Variants in ARG2 observed in about 807,000 individuals in gnomAD.
ARG2 encodes arginase-2, mitochondrial.
A neutral mutation model predicts 39.4 loss-of-function variants in ARG2; 21 were observed. The observed-to-expected ratio is 0.53, with a 90% CI of 0.38 to 0.77. The LOEUF (loss-of-function observed/expected upper bound fraction) is 0.77, where lower values mean the gene tolerates loss of function less well. Ranked by LOEUF, ARG2 falls within the 30% of genes least tolerant of loss-of-function variation. ARG2 has a pLI of 0.00. For missense variants in ARG2, 378 were observed against 426.2 expected, an observed-to-expected ratio of 0.89 and a Z score of 1.00; for synonymous variants, 150 against 156.7, an observed-to-expected ratio of 0.96 and a Z score of 0.32.
At chr14:67,630,871 C>T (rs1157013350) in intron 2 of ARG2, among the ~76,000 whole-genome samples, 1 of 152,198 alleles carries the variant, frequency 6.6e-6, no homozygotes, top group African/African-American at 2.4e-5. Flanking sequence ...GTGTGAGCCA[C>T]CGTGCCCCGC....
At chr14:67,622,921 T>C (rs1555378951) in intron 2 of ARG2, among the ~76,000 whole-genome samples, 1 of 152,222 alleles carries the variant, frequency 6.6e-6, no homozygotes, top group Non-Finnish European at 1.5e-5. Flanking sequence ...ACTCATGCTT[T>C]GTAGACTTCC....
intron 4 of ARG2, 79 bp from the exon 5 acceptor site, chr14:67,646,565 T>C (rs2140780373): frequency 1.7e-6 from 2 of 1,150,828 alleles, no homozygotes; most frequent in East Asian, 2.3e-5. Context: ...GCAGATTGCA[T>C]ACCCACGGAC....
intron 2 of ARG2, among the ~76,000 whole-genome samples, chr14:67,627,940 A>C (rs557981597): frequency 4.5e-4 from 69 of 152,342 alleles, no homozygotes; most frequent in African/African-American, 1.6e-3. Flanking sequence ...TTTGACTTCT[A>C]AAGTCACTCT....
At chr14:67,624,277 GTGT>G (rs77692722) in intron 2 of ARG2, among the ~76,000 whole-genome samples, 31,089 of 151,992 alleles carry the variant, frequency 0.2, 3,916 homozygotes, top group African/African-American at 0.35. Context: ...TGGGAAATCT[GTGT>G]TGTTTTAAAA....
At chr14:67,637,918 T>C (rs60034383) in intron 2 of ARG2, among the ~76,000 whole-genome samples, 4,318 of 152,274 alleles carry the variant, frequency 0.028, 220 homozygotes, top group African/African-American at 0.099. Flanking sequence ...GCAGGAGTAA[T>C]GTGCCACTTT....
rs763327216 is a variant in ARG2, at chr14:67,637,267, G to C, written c.185-4919G>C. 2.0e-5 allele frequency among the ~76,000 whole-genome samples: 3 copies of C among 151,884 alleles called. No homozygotes were observed. In the East Asian group the frequency reaches 5.8e-4, roughly 29 times the overall value. On this transcript the variant is annotated intron_variant, in intron 2 of 7. Coordinates refer to ENST00000261783, the MANE Select transcript of ARG2 (RefSeq NM_001172.4). The stretch of plus-strand genomic sequence containing the variant: ...TCTACTAAAACTACAAAAATTAGCT[G>C]GGCATGGTGGTGCATGCCTGTAATC...
chr14:67,645,424 C>T (rs1369340244), intron 3 of ARG2, among the ~76,000 whole-genome samples: 1 of 152,118 alleles, frequency 6.6e-6, no homozygotes, highest in Non-Finnish European at 1.5e-5. Context: ...TGTCACACTG[C>T]AGGGTAGCAA....
intron 1 of ARG2, 139 bp from the exon 2 acceptor site, chr14:67,620,755 A>T: frequency 1.3e-6 from 1 of 749,608 alleles, no homozygotes; most frequent in Non-Finnish European, 2.2e-6. Context: ...CCAACAATGG[A>T]GTTGGAAGGA....
chr14:67,620,417 G>A (rs1473960295), intron 1 of ARG2, among the ~76,000 whole-genome samples: 1 of 152,058 alleles, frequency 6.6e-6, no homozygotes, highest in Non-Finnish European at 1.5e-5. Context: ...TCCTTGGAGG[G>A]GCTGGAGGAG....
intron 2 of ARG2, among the ~76,000 whole-genome samples, chr14:67,630,086 G>A (rs111597684): frequency 7.2e-5 from 11 of 152,152 alleles, no homozygotes; most frequent in African/African-American, 2.7e-4. Context: ...TTCCAGTTCG[G>A]GTAGGGACTC....
intron 7 of ARG2, chr14:67,649,297 G>A (rs1187298947): frequency 6.6e-6 from 1 of 152,144 alleles, no homozygotes; most frequent in African/African-American, 2.4e-5. Flanking sequence ...CAAGGCAAGA[G>A]GATTACTTGA....
chr14:67,623,398 G>A (rs1412597414), intron 2 of ARG2, among the ~76,000 whole-genome samples: 2 of 152,164 alleles, frequency 1.3e-5, no homozygotes, highest in Non-Finnish European at 2.9e-5. Context: ...TTGCTCTGAT[G>A]TCACAGGCTG....
chr14:67,635,037 G>A (rs2036956920), intron 2 of ARG2, among the ~76,000 whole-genome samples: 1 of 152,108 alleles, frequency 6.6e-6, no homozygotes, highest in African/African-American at 2.4e-5. Flanking sequence ...CTGAGGCCAG[G>A]GGTTTGAGAC....
chr14:67,630,640 C>T (rs1259613632), intron 2 of ARG2, among the ~76,000 whole-genome samples: 4 of 152,114 alleles, frequency 2.6e-5, no homozygotes. Flanking sequence ...AGTGCAGTGG[C>T]GCGATCTTGG....
intron 3 of ARG2, among the ~76,000 whole-genome samples, chr14:67,645,015 AT>A (rs575153422): frequency 0.083 from 12,518 of 150,814 alleles, 697 homozygotes; most frequent in East Asian, 0.22. Context: ...AAAAAAAAAA[AT>A]TGAATGCCAT....
chr14:67,641,041 C>T (rs1367706085), intron 2 of ARG2, among the ~76,000 whole-genome samples: 1 of 152,182 alleles, frequency 6.6e-6, no homozygotes, highest in Non-Finnish European at 1.5e-5. Flanking sequence ...AAGAAAATAA[C>T]TGCCTATCAG....
chr14:67,644,451 A>G (rs147774293), intron 3 of ARG2, among the ~76,000 whole-genome samples: 1 of 152,286 alleles, frequency 6.6e-6, no homozygotes, highest in African/African-American at 2.4e-5. Context: ...AGACCATGCT[A>G]TTCCTCAAAA....
At chr14:67,650,629 G>A in intron 7 of ARG2, 86 bp from the exon 8 acceptor site, 2 of 1,275,648 alleles carry the variant, frequency 1.6e-6, no homozygotes, top group Admixed American at 3.5e-5. Flanking sequence ...TTTTACTTTG[G>A]CTTGTTCTCC....
chr14:67,650,669 G>A, intron 7 of ARG2, 46 bp from the exon 8 acceptor site: 1 of 1,563,444 alleles, frequency 6.4e-7, no homozygotes, highest in Non-Finnish European at 8.8e-7. Context: ...CTCACTGAGA[G>A]TAGCAGCAAG....
Sources: allele counts gnomAD v4.1 joint callset (sites outside exome capture counted in the v4.1 genomes callset), GRCh38; gene constraint gnomAD v4.1.1; transcripts MANE v1.5; gene names NCBI Gene and HGNC (gene_info 2026-07-23, HGNC 2026-07-21).